The following ONECUT2 variants were observed in gnomAD, a reference collection of about 807,000 sequenced individuals.
The protein encoded by ONECUT2 is one cut domain family member 2.
ONECUT2 carries 10 observed loss-of-function variants against 27.9 expected under a neutral mutation model. The ratio of observed to expected loss-of-function variants is 0.36; its 90% CI spans 0.22 to 0.61. The LOEUF is 0.61. Among genes scored for constraint, ONECUT2 ranks in the 20% least tolerant of loss-of-function variants. The pLI is 0.73. For synonymous variants in ONECUT2, 334 were observed against 315.1 expected (o/e 1.06, Z -0.64); for missense variants, 686 against 721.0 (o/e 0.95, Z 0.56).
intron 1 of ONECUT2, among the ~76,000 whole-genome samples, chr18:57,467,658 C>G (rs1341939745): frequency 6.6e-6 from 1 of 152,226 alleles, no homozygotes; most frequent in Non-Finnish European, 1.5e-5. Context: ...AGCCACCTCA[C>G]CTGGCCTATC....
In ONECUT2 at chr18:57,455,384, A is replaced by T. The variant is rs566427615; in HGVS notation, c.1228+18440A>T. Among the ~76,000 whole-genome samples, 16 of 152,350 alleles carry T rather than the reference A, an allele frequency of 1.1e-4. No homozygotes were observed. The South Asian group carries it at 3.1e-3, about 30-fold the overall frequency. ...GAATTCTCAACATGCAAGTTTATTT[A>T]AACAGTCTCTAGTATCCTTTCCTGA... On this transcript the variant is annotated intron_variant, in intron 1 of 1. Transcript: ENST00000491143.
rs1238496950 is a variant in ONECUT2, at chr18:57,478,630, A to G, written c.*1907A>G. 1.3e-5 allele frequency: 2 copies of G among 152,694 alleles called. No homozygotes were observed. The highest frequency in any genetic ancestry group is 2.9e-5 in the Non-Finnish European group (2 of 68,048). The allele number at this position is 152,694 out of a possible 1,614,324, so 9.5% of individuals were successfully genotyped here. A position where few individuals can be genotyped will look rare whatever the true frequency, so the allele number is the denominator to read the frequency against. On this transcript the variant is annotated 3_prime_UTR_variant, in exon 2 of 2. Transcript: ENST00000491143. ...AAAGATAGAAATAAGGAAGAGCCTC[A>G]GTGGCTGCTGCTTCATTTGACAACT...
At chr18:57,441,523 C>G (rs1223493975) in intron 1 of ONECUT2, among the ~76,000 whole-genome samples, 3 of 152,268 alleles carry the variant, frequency 2.0e-5, no homozygotes, top group Non-Finnish European at 2.9e-5. Context: ...CCCCCGACCT[C>G]TGCACCACCC....
intron 1 of ONECUT2, among the ~76,000 whole-genome samples, chr18:57,456,697 T>C (rs2050261177): frequency 6.6e-6 from 1 of 152,252 alleles, no homozygotes; most frequent in Non-Finnish European, 1.5e-5. Context: ...TATGGAGCTA[T>C]AACCTTAAAA....
chr18:57,441,858 C>G (rs1348657919), intron 1 of ONECUT2, among the ~76,000 whole-genome samples: 1 of 152,258 alleles, frequency 6.6e-6, no homozygotes, highest in Non-Finnish European at 1.5e-5. Flanking sequence ...CTTCATCCCT[C>G]CGAGTAGCAG....
chr18:57,456,718 T>C (rs2050261250), intron 1 of ONECUT2, among the ~76,000 whole-genome samples: 1 of 152,242 alleles, frequency 6.6e-6, no homozygotes, highest in African/African-American at 2.4e-5. Flanking sequence ...GTAGTTAAGA[T>C]GGTAAATTTT....
intron 1 of ONECUT2, among the ~76,000 whole-genome samples, chr18:57,473,660 CATGAGAA>C (rs1268197251): frequency 2.5e-4 from 38 of 152,158 alleles, no homozygotes; most frequent in African/African-American, 8.7e-4. Context: ...CCTGGGTGCT[CATGAGAA>C]ATGCAGAATC....
intron 1 of ONECUT2, among the ~76,000 whole-genome samples, chr18:57,439,371 C>T (rs563100935): frequency 1.3e-5 from 2 of 152,360 alleles, no homozygotes; most frequent in South Asian, 4.1e-4. Flanking sequence ...GTGGAAAAGG[C>T]CTGCTGAGGA....
In ONECUT2 at chr18:57,435,665, G is replaced by GCCCC; in HGVS notation, c.-49_-48insCCCC. On this transcript the variant is annotated 5_prime_UTR_variant, in exon 1 of 2. Transcript: ENST00000491143. ...GAGCCCCGCCACGCGCGCCTTGCCC[G>GCCCC]CCCGCCGGCCGCCCCCGCCGCCCCC... The GCCCC allele has an allele frequency of 8.0e-6, 6 of 750,786 alleles. No homozygotes were observed. The highest frequency in any genetic ancestry group is 8.2e-6 in the Non-Finnish European group (5 of 609,286). 46.5% of individuals were successfully genotyped at this position (750,786 alleles called of 1,614,324 possible). A position where few individuals can be genotyped will look rare whatever the true frequency, so the allele number is the denominator to read the frequency against.
chr18:57,437,193 A>C lies in ONECUT2; in HGVS notation c.1228+249A>C, dbSNP rs1444626662. Among the ~76,000 whole-genome samples the C allele has an allele frequency of 3.6e-4, 53 of 145,764 alleles. 1 individual carries two copies. Among genetic ancestry groups the C allele is most frequent in the African/African-American group, 7.3e-4 (29 of 39,506 alleles). ...CTTGTCCCTGAGCTTTCATTGACCG[A>C]CCCCCCCCCATTTCATTCGCCCTCC... On this transcript the variant is annotated intron_variant, in intron 1 of 1. Transcript: ENST00000491143.
chr18:57,457,122 T>C (rs2050263937), intron 1 of ONECUT2, among the ~76,000 whole-genome samples: 1 of 152,214 alleles, frequency 6.6e-6, no homozygotes, highest in African/African-American at 2.4e-5. Flanking sequence ...ACTATTTCCA[T>C]AGTGGCTACA....
At position 57,485,665 on chromosome 18, in the gene ONECUT2, T is replaced by G. The variant is rs2050434303; in HGVS notation, c.*8942T>G. The G allele has an allele frequency of 6.6e-6, 1 of 152,210 alleles. No individual in the cohort carries two copies. The highest frequency in any genetic ancestry group is 2.4e-5 in the African/African-American group (1 of 41,464). The allele number at this position is 152,210 out of a possible 1,614,324, so 9.4% of individuals were successfully genotyped here. A position where few individuals can be genotyped will look rare whatever the true frequency, so the allele number is the denominator to read the frequency against. On this transcript the variant is annotated 3_prime_UTR_variant, in exon 2 of 2. Transcript: ENST00000491143. The stretch of plus-strand genomic sequence containing the variant: ...TTGCATTTCACATAATGTAGTTATT[T>G]TGAGCTTTTAAAGAGAGCATTTAGA...
At chr18:57,448,542 C>A (rs1444998149) in intron 1 of ONECUT2, among the ~76,000 whole-genome samples, 2 of 152,194 alleles carry the variant, frequency 1.3e-5, no homozygotes, top group Non-Finnish European at 2.9e-5. Flanking sequence ...ATTTTGTAAG[C>A]TTTGACTAAA....
At chr18:57,463,115 A>G (rs912936394) in intron 1 of ONECUT2, among the ~76,000 whole-genome samples, 1 of 152,164 alleles carries the variant, frequency 6.6e-6, no homozygotes, top group African/African-American at 2.4e-5. Flanking sequence ...TTTTTTGTGT[A>G]TGACATGAGG....
Position 57,488,083 on chromosome 18 carries a change from G to A in ONECUT2, c.*11360G>A, listed in dbSNP as rs1388217968. 4 of 152,482 alleles carry A rather than the reference G, an allele frequency of 2.6e-5. No individual in the cohort carries two copies. Among genetic ancestry groups the A allele is most frequent in the Non-Finnish European group, 4.4e-5 (3 of 68,038 alleles). The allele number at this position is 152,482 out of a possible 1,614,324, so 9.4% of individuals were successfully genotyped here. On this transcript the variant is annotated 3_prime_UTR_variant, in exon 2 of 2. Coordinates refer to ENST00000491143, the MANE Select transcript of ONECUT2 (RefSeq NM_004852.3). ...GCATTCATATTATCTGTCAATGAGG[G>A]TATATTGGGAACGTGCTCTCGTGAA...
At chr18:57,470,458 T>G (rs2050347025) in intron 1 of ONECUT2, among the ~76,000 whole-genome samples, 1 of 152,188 alleles carries the variant, frequency 6.6e-6, no homozygotes, top group Admixed American at 6.5e-5. Flanking sequence ...CCCATCTTCC[T>G]TTCAGAGATG....
Position 57,480,607 on chromosome 18 carries a change from C to T in ONECUT2, c.*3884C>T, listed in dbSNP as rs922230560. The T allele has an allele frequency of 6.6e-6, 1 of 150,800 alleles. No homozygotes were observed. The highest frequency in any genetic ancestry group is 2.4e-5 in the African/African-American group (1 of 41,034). The allele number at this position is 150,800 out of a possible 1,614,324, so 9.3% of individuals were successfully genotyped here. On this transcript the variant is annotated 3_prime_UTR_variant, in exon 2 of 2. Coordinates refer to ENST00000491143, the MANE Select transcript of ONECUT2 (RefSeq NM_004852.3). ...AAAAAAAAAGGCAAGAATTTCTCTC[C>T]AAGGAGCTTTAATAAATGTCTCATT...
chr18:57,444,266 G>GCC, intron 1 of ONECUT2: 1 of 441,158 alleles, frequency 2.3e-6, no homozygotes, highest in Admixed American at 2.4e-5. Context: ...GATGGTTAAG[G>GCC]ATAGGAAACT....
intron 1 of ONECUT2, 90 bp downstream of exon 1, chr18:57,437,034 C>T: frequency 6.8e-7 from 1 of 1,470,048 alleles, no homozygotes; most frequent in Non-Finnish European, 9.0e-7. Context: ...CGAGTCACTT[C>T]TCTTGATTCT....
Sources: gnomAD v4.1 joint callset for allele counts (sites outside exome capture counted in the v4.1 genomes callset) on GRCh38, gnomAD v4.1.1 for gene constraint, MANE v1.5 for transcripts, NCBI Gene and HGNC (gene_info 2026-07-23, HGNC 2026-07-21) for gene names.